The following CFAP20DC variants were observed in gnomAD, a reference collection of about 807,000 sequenced individuals.
CFAP20DC encodes the protein CFAP20 domain containing, also known as protein CFAP20DC.
A neutral mutation model predicts 101.7 loss-of-function variants in CFAP20DC; 84 were observed. That is an observed-to-expected ratio of 0.83 (90% CI 0.69 to 0.99). CFAP20DC has a LOEUF of 0.99. CFAP20DC is among the 50% of genes least tolerant of loss of function. The pLI is 0.00. For missense variants in CFAP20DC, 1,007 were observed against 970.3 expected (o/e 1.04, Z -0.50); for synonymous variants, 359 against 351.2 (o/e 1.02, Z -0.25).
chr3:58,974,666 T>C (rs1242816901), intron 4 of CFAP20DC, among the ~76,000 whole-genome samples: 4 of 152,234 alleles, frequency 2.6e-5, no homozygotes, highest in South Asian at 2.1e-4. Flanking sequence ...CCATGGAACA[T>C]AGGCTGTACA....
intron 15 of CFAP20DC, among the ~76,000 whole-genome samples, chr3:58,792,083 T>C (rs534679185): frequency 6.6e-6 from 1 of 152,200 alleles, no homozygotes; most frequent in Non-Finnish European, 1.5e-5. Context: ...CAACTTTTGC[T>C]ACATATATTT....
intron 4 of CFAP20DC, among the ~76,000 whole-genome samples, chr3:58,974,974 C>T (rs183287357): frequency 3.9e-5 from 6 of 152,284 alleles, no homozygotes; most frequent in East Asian, 1.9e-4. Context: ...GTCTCTTCTT[C>T]GGCCTCTTGA....
intron 15 of CFAP20DC, among the ~76,000 whole-genome samples, chr3:58,758,817 T>C (rs964868272): frequency 4.6e-5 from 7 of 152,100 alleles, no homozygotes; most frequent in Admixed American, 2.0e-4. Flanking sequence ...GATAGTTTGC[T>C]GAGAATGATG....
chr3:58,734,112 G>A (rs760945766), intron 3 of CFAP20DC, among the ~76,000 whole-genome samples: 2 of 152,130 alleles, frequency 1.3e-5, no homozygotes, highest in Admixed American at 6.5e-5. Flanking sequence ...ATAAAAGTGT[G>A]TAGCACATCC....
intron 14 of CFAP20DC, among the ~76,000 whole-genome samples, chr3:58,813,243 C>T (rs1272575009): frequency 1.3e-5 from 2 of 151,870 alleles, no homozygotes; most frequent in East Asian, 1.9e-4. Context: ...CAAAACATAG[C>T]TGAACAACTA....
intron 7 of CFAP20DC, among the ~76,000 whole-genome samples, chr3:58,879,318 TTA>T (rs1013896284): frequency 4.6e-5 from 7 of 152,214 alleles, no homozygotes; most frequent in Admixed American, 3.3e-4. Flanking sequence ...TGTACAATTA[TTA>T]TGTGTCAATC....
At chr3:58,903,952 A>G (rs2083375230) in intron 6 of CFAP20DC, among the ~76,000 whole-genome samples, 1 of 152,052 alleles carries the variant, frequency 6.6e-6, no homozygotes, top group African/African-American at 2.4e-5. Flanking sequence ...TTCAACTTTG[A>G]TCTTCATTTT....
chr3:58,886,648 G>T (rs979087667), intron 6 of CFAP20DC, among the ~76,000 whole-genome samples: 15 of 152,000 alleles, frequency 9.9e-5, no homozygotes, highest in Non-Finnish European at 2.2e-4. Context: ...GGCGGTGGAG[G>T]CTGCAGTGAG....
chr3:58,805,005 A>G (rs2073957543), intron 15 of CFAP20DC, among the ~76,000 whole-genome samples: 1 of 152,184 alleles, frequency 6.6e-6, no homozygotes, highest in Non-Finnish European at 1.5e-5. Context: ...CTGTGTCATG[A>G]ATATTCTGGG....
chr3:58,890,048 G>A (rs1408516804), intron 6 of CFAP20DC, among the ~76,000 whole-genome samples: 2 of 149,570 alleles, frequency 1.3e-5, no homozygotes, highest in African/African-American at 2.5e-5. Context: ...ATCCTGGCCC[G>A]TTCTCAATGA....
intron 4 of CFAP20DC, among the ~76,000 whole-genome samples, chr3:58,960,579 A>G (rs562288917): frequency 1.3e-5 from 2 of 151,824 alleles, no homozygotes; most frequent in South Asian, 4.2e-4. Flanking sequence ...TCATTTTTCA[A>G]TTGCTCTTTG....
chr3:58,990,283 G>A (rs1190260279), intron 4 of CFAP20DC, among the ~76,000 whole-genome samples: 1 of 152,188 alleles, frequency 6.6e-6, no homozygotes, highest in Non-Finnish European at 1.5e-5. Flanking sequence ...CTGCTATGAA[G>A]ATGTAAAATA....
chr3:59,026,180 A>C (rs2093888671), intron 4 of CFAP20DC, among the ~76,000 whole-genome samples: 1 of 152,190 alleles, frequency 6.6e-6, no homozygotes, highest in Admixed American at 6.5e-5. Flanking sequence ...ATGAGGTTTA[A>C]ATACTGATTT....
Position 58,884,638 on chromosome 3 carries a change from C to G in CFAP20DC, c.622G>C (p.Asp208His). The G allele has an allele frequency of 6.2e-7, 1 of 1,613,738 alleles. No homozygotes were observed. Among genetic ancestry groups the G allele is most frequent in the Non-Finnish European group, 8.5e-7 (1 of 1,179,652 alleles). ...AGCAGCTGTGTGACATGTGGAACAT[C>G]TGTCATTAGTTGACAGCTTCGTGGT... ...IIPRSCQLMTDVPHVTQLLNM... is the reference protein window; with the variant it reads ...IIPRSCQLMTHVPHVTQLLNM... The change falls in exon 7 of 17, where the codon GAT becomes CAT. Residue 208 changes from aspartate (D) to histidine (H), a missense_variant. Coordinates refer to ENST00000482387, the MANE Select transcript of CFAP20DC (RefSeq NM_001394063.1).
intron 4 of CFAP20DC, among the ~76,000 whole-genome samples, chr3:58,994,416 A>C (rs2093044515): frequency 6.6e-6 from 1 of 152,182 alleles, no homozygotes; most frequent in Non-Finnish European, 1.5e-5. Flanking sequence ...TCTATGAGGC[A>C]GAGAAAAGGC....
intron 15 of CFAP20DC, among the ~76,000 whole-genome samples, chr3:58,783,344 A>G (rs1055368337): frequency 6.6e-6 from 1 of 152,040 alleles, no homozygotes. Context: ...AAAACAGGAA[A>G]AACACCTCAA....
intron 4 of CFAP20DC, among the ~76,000 whole-genome samples, chr3:58,940,273 T>A (rs1461887441): frequency 1.3e-5 from 2 of 152,232 alleles, no homozygotes; most frequent in Non-Finnish European, 2.9e-5. Context: ...GAGCCTCTAT[T>A]CTTGTGCAAA....
intron 16 of CFAP20DC, among the ~76,000 whole-genome samples, chr3:58,748,368 A>G (rs1402434515): frequency 6.6e-6 from 1 of 152,108 alleles, no homozygotes; most frequent in Non-Finnish European, 1.5e-5. Flanking sequence ...CGTGGTGGAT[A>G]GGTAGGTGGG....
intron 6 of CFAP20DC, among the ~76,000 whole-genome samples, chr3:58,901,748 A>G (rs1294173922): frequency 6.6e-6 from 1 of 152,224 alleles, no homozygotes; most frequent in Non-Finnish European, 1.5e-5. Context: ...TTTTAAAAAA[A>G]TGCTTTATTG....
Sources: gnomAD v4.1 joint callset for allele counts (sites outside exome capture counted in the v4.1 genomes callset) on GRCh38, gnomAD v4.1.1 for gene constraint, MANE v1.5 for transcripts, NCBI Gene and HGNC (gene_info 2026-07-23, HGNC 2026-07-21) for gene names.